Variants in SPDYE4 observed in about 807,000 individuals in gnomAD.
SPDYE4 encodes the protein speedy protein E4.
In SPDYE4, 30 loss-of-function variants were observed where a neutral mutation model predicts 37.5. That is an observed-to-expected ratio of 0.80 (90% CI 0.60 to 1.09). The LOEUF (loss-of-function observed/expected upper bound fraction) is 1.09, where lower values mean the gene tolerates loss of function less well. SPDYE4 is among the 50% of genes least tolerant of loss of function. The probability of loss-of-function intolerance (pLI) is 0.00; values close to 1 mark genes in which losing one functional copy is unlikely to be tolerated. For synonymous variants in SPDYE4, 131 were observed against 120.3 expected, an observed-to-expected ratio of 1.09 and a Z score of -0.58; for missense variants, 300 against 307.9, an observed-to-expected ratio of 0.97 and a Z score of 0.19.
rs995492138 is a variant in SPDYE4 at position 8,751,915 on chromosome 17, C to G, written c.*367G>C. Among the ~76,000 whole-genome samples the G allele has an allele frequency of 2.0e-5, 3 of 152,156 alleles. No individual in the cohort carries two copies. The highest frequency in any genetic ancestry group is 1.3e-4 in the Admixed American group (2 of 15,278). ...TGCCTTCAAATGCTCTGGACTGTGG[C>G]AACCAAGTCCATAGGAAACAGGAAC... On this transcript the variant is annotated 3_prime_UTR_variant, in exon 7 of 7. Transcript: ENST00000689094.
downstream of SPDYE4, among the ~76,000 whole-genome samples, chr17:8,749,031 T>C (rs913851806): frequency 2.0e-5 from 3 of 152,186 alleles, no homozygotes; most frequent in Admixed American, 1.3e-4. Flanking sequence ...ATTTGGTCTG[T>C]TTACCCTGTG....
intron 6 of SPDYE4, among the ~76,000 whole-genome samples, 71 bp from the exon 7 acceptor site, chr17:8,752,308 A>T (rs2086733907): frequency 6.6e-6 from 1 of 152,240 alleles, no homozygotes; most frequent in Non-Finnish European, 1.5e-5. Flanking sequence ...TTCCCATCCC[A>T]CATCAATCCT....
rs1287076465 is a variant in SPDYE4 at position 8,756,430 on chromosome 17, G to A, written c.347C>T (p.Pro116Leu). The A allele has an allele frequency of 2.0e-5, 32 of 1,613,890 alleles. No homozygotes were observed. The highest frequency in any genetic ancestry group is 2.7e-5 in the Non-Finnish European group (32 of 1,179,914). Reference sequence around the variant, plus strand: ...CCAGGCCAGGAATTTTTGAACGACAGGATCCCCTGTGAAAAGAGAGCCTGT... The same window carrying A: ...CCAGGCCAGGAATTTTTGAACGACAAGATCCCCTGTGAAAAGAGAGCCTGT... Reference protein sequence around the residue: ...HEAFNRLLGDPVVQKFLAWDK... With the variant: ...HEAFNRLLGDLVVQKFLAWDK... Residue 116 changes from proline to leucine, a missense_variant, in exon 3 of 7, where the codon CCT becomes CTT. Coordinates refer to ENST00000689094, the MANE Select transcript of SPDYE4 (RefSeq NM_001394956.1).
In SPDYE4 at chr17:8,751,845, T is replaced by G. The variant is rs1011417977; in HGVS notation, c.*437A>C. ...CTCTTAAAATCCTATGGCAGTAATT[T>G]CATATTTTACAAAGAATTCCGTAAC... On this transcript the variant is annotated 3_prime_UTR_variant, in exon 7 of 7. Coordinates refer to ENST00000689094, the MANE Select transcript of SPDYE4 (RefSeq NM_001394956.1). 6.6e-6 allele frequency among the ~76,000 whole-genome samples: 1 copy of G among 152,200 alleles called. No individual in the cohort carries two copies. Among genetic ancestry groups the G allele is most frequent in the Non-Finnish European group, 1.5e-5 (1 of 68,026 alleles).
chr17:8,757,269 C>A lies in SPDYE4; in HGVS notation c.333G>T (p.Arg111Ser). 2 of 1,604,022 alleles carry A rather than the reference C, an allele frequency of 1.2e-6. No homozygotes were observed. Among genetic ancestry groups the A allele is most frequent in the Non-Finnish European group, 8.5e-7 (1 of 1,175,068 alleles). The change falls in exon 2 of 7, where the codon AGG (arginine) becomes AGT (serine). Residue 111 changes from arginine to serine, a missense_variant. Transcript: ENST00000689094. ...VLPEHHEAFN[R>S]LLGDPVVQKF... ...TTTGGGGTATCCTCCTACCAAGGAG[C>A]CTGTTGAAGGCCTCGTGGTGCTCAG...
chr17:8,754,153 A>G (rs985395872), intron 4 of SPDYE4, among the ~76,000 whole-genome samples: 2 of 152,266 alleles, frequency 1.3e-5, no homozygotes, highest in African/African-American at 4.8e-5. Context: ...GTTTTGTTGA[A>G]TAAATGAATA....
downstream of SPDYE4, among the ~76,000 whole-genome samples, chr17:8,749,086 G>A (rs1048156397): frequency 1.6e-5 from 2 of 123,260 alleles, no homozygotes; most frequent in Admixed American, 1.9e-4. Flanking sequence ...CAGTCCCCAA[G>A]AATGTTTTGA....
chr17:8,747,728 A>C (rs2086699644), downstream of SPDYE4, among the ~76,000 whole-genome samples: 1 of 152,194 alleles, frequency 6.6e-6, no homozygotes, highest in Admixed American at 6.5e-5. Context: ...TACAAGTTTA[A>C]ATTCCAACCC....
At chr17:8,750,642 G>A (rs967095888), downstream of SPDYE4, among the ~76,000 whole-genome samples, 3 of 152,280 alleles carry the variant, frequency 2.0e-5, no homozygotes, top group Non-Finnish European at 4.4e-5. Flanking sequence ...CACAGGAGGT[G>A]GAGCTTGCAG....
intron 2 of SPDYE4, 51 bp downstream of exon 2, chr17:8,757,211 C>A: frequency 6.6e-7 from 1 of 1,516,012 alleles, no homozygotes; most frequent in Non-Finnish European, 8.9e-7. Flanking sequence ...TGAAAGATTC[C>A]ACTTTTTTAA....
intron 3 of SPDYE4, among the ~76,000 whole-genome samples, chr17:8,756,144 A>C (rs2086770333): frequency 6.6e-6 from 1 of 152,142 alleles, no homozygotes; most frequent in South Asian, 2.1e-4. Context: ...ACTTGAGCCC[A>C]GGAGGCTGAG....
chr17:8,756,544 G>T, intron 2 of SPDYE4, 108 bp from the exon 3 acceptor site: 1 of 1,099,272 alleles, frequency 9.1e-7, no homozygotes, highest in Non-Finnish European at 1.4e-6. Flanking sequence ...TCAGGATTGT[G>T]GCCAAGGCTT....
intron 5 of SPDYE4, 27 bp from the exon 6 acceptor site, chr17:8,753,224 G>A (rs1310216969): frequency 1.2e-6 from 2 of 1,613,982 alleles, no homozygotes; most frequent in Admixed American, 1.7e-5. Context: ...CACTTGAGAA[G>A]CCAGGGATTC....
rs569077736 is a variant in SPDYE4, at chr17:8,757,418, C to T, written c.184G>A (p.Glu62Lys). The T allele has an allele frequency of 1.9e-6, 3 of 1,592,638 alleles. No individual in the cohort carries two copies. The highest frequency in any genetic ancestry group is 1.8e-5 in the Admixed American group (1 of 55,534). Reference protein sequence around the residue: ...KRKSEWSDESEEELEEELELE... With the variant: ...KRKSEWSDESKEELEEELELE... ...TCCAGCTCCTCCTCCAGCTCCTCCTCGGATTCGTCTGACCATTCGCTCTTC... is the reference window on the plus strand; with the variant it reads ...TCCAGCTCCTCCTCCAGCTCCTCCTTGGATTCGTCTGACCATTCGCTCTTC... Residue 62 changes from glutamate (E) to lysine (K), a missense_variant, in exon 2 of 7, where the codon GAG becomes AAG. Physicochemically the swap from Glu to Lys is moderately conservative, Grantham distance 56 (BLOSUM62 1). Coordinates refer to ENST00000689094, the MANE Select transcript of SPDYE4 (RefSeq NM_001394956.1).
At position 8,753,109 on chromosome 17, in the gene SPDYE4, T is replaced by C; in HGVS notation, c.*29A>G. 1 of 1,613,030 alleles carries C rather than the reference T, an allele frequency of 6.2e-7. No homozygotes were observed. The highest frequency in any genetic ancestry group is 1.3e-5 in the African/African-American group (1 of 75,034). On this transcript the variant is annotated 3_prime_UTR_variant, in exon 6 of 7. Transcript: ENST00000689094. Reference sequence around the variant, plus strand: ...ACACACGTACCTTCCCTCAGGCCGATGACCTCAGGCCTCCATGTCCCCGGA... The same window carrying C: ...ACACACGTACCTTCCCTCAGGCCGACGACCTCAGGCCTCCATGTCCCCGGA...
chr17:8,756,432 A>AAAATT lies in SPDYE4; in HGVS notation c.344_345insAATTT (p.Asp115GlufsTer16). 1 of 1,614,044 alleles carries AAAATT rather than the reference A, an allele frequency of 6.2e-7. No individual in the cohort carries two copies. The highest frequency in any genetic ancestry group is 8.5e-7 in the Non-Finnish European group (1 of 1,179,916). On this transcript the variant is annotated frameshift_variant, in exon 3 of 7. Transcript: ENST00000689094. LOFTEE classifies it high-confidence loss of function. ...AGGCCAGGAATTTTTGAACGACAGG[A>AAAATT]TCCCCTGTGAAAAGAGAGCCTGTGT...
At chr17:8,758,003 G>C (rs569121151) in intron 1 of SPDYE4, among the ~76,000 whole-genome samples, 14 of 152,062 alleles carry the variant, frequency 9.2e-5, no homozygotes, top group African/African-American at 3.4e-4. Context: ...GGATGGTCTC[G>C]ATCTTCTGAC....
Position 8,758,427 on chromosome 17 carries a change from T to A in SPDYE4, c.-45A>T. ...GTTTCTGTCCACAAAACCTAGTCCC[T>A]GTTCTGTCCAAAGCCTTCTTCCAGA... is the stretch of plus-strand genomic sequence containing the variant. On this transcript the variant is annotated 5_prime_UTR_variant, in exon 1 of 7. Coordinates refer to ENST00000689094, the MANE Select transcript of SPDYE4 (RefSeq NM_001394956.1). 2.6e-6 allele frequency: 4 copies of A among 1,516,622 alleles called. No individual in the cohort carries two copies. Among genetic ancestry groups the A allele is most frequent in the Non-Finnish European group, 3.6e-6 (4 of 1,114,854 alleles). The allele number at this position is 1,516,622 out of a possible 1,614,324, so 93.9% of individuals were successfully genotyped here.
At chr17:8,756,290 G>C in intron 3 of SPDYE4, 88 bp downstream of exon 3, 1 of 1,239,854 alleles carries the variant, frequency 8.1e-7, no homozygotes, top group Non-Finnish European at 1.2e-6. Flanking sequence ...TAGAGGGAGA[G>C]AGGAGAGAAA....
Sources: gnomAD v4.1 joint callset for allele counts (sites outside exome capture counted in the v4.1 genomes callset) on GRCh38, gnomAD v4.1.1 for gene constraint, MANE v1.5 for transcripts, NCBI Gene and HGNC (gene_info 2026-07-23, HGNC 2026-07-21) for gene names.